Variants in PRSS54 observed in about 807,000 individuals in gnomAD.
PRSS54 encodes serine protease 54, also known as inactive serine protease 54.
In PRSS54, 16 loss-of-function variants were observed where a neutral mutation model predicts 19.9. The ratio of observed to expected loss-of-function variants is 0.80; its 90% CI spans 0.54 to 1.22. The LOEUF is 1.22. Ranked by LOEUF, PRSS54 falls within the 50% of genes most tolerant of loss-of-function variation. The pLI, the probability that PRSS54 is intolerant of heterozygous loss-of-function variation, is 0.00. For synonymous variants in PRSS54, 177 were observed against 195.8 expected, an observed-to-expected ratio of 0.90 and a Z score of 0.80; for missense variants, 444 against 494.8, an observed-to-expected ratio of 0.90 and a Z score of 0.97.
chr16:58,293,375 G>A (rs1965079789), intron 3 of PRSS54, among the ~76,000 whole-genome samples: 1 of 152,184 alleles, frequency 6.6e-6, no homozygotes, highest in South Asian at 2.1e-4. Flanking sequence ...CCCGGGACCA[G>A]CCCTGCAGTT....
chr16:58,293,394 T>C (rs973072227), intron 3 of PRSS54, among the ~76,000 whole-genome samples: 14 of 152,136 alleles, frequency 9.2e-5, no homozygotes, highest in Admixed American at 8.5e-4. Context: ...TTGGGGGTTG[T>C]AGTTTGCAAA....
At chr16:58,293,526 C>A (rs1965082679) in intron 3 of PRSS54, 1 of 985,202 alleles carries the variant, frequency 1.0e-6, no homozygotes, top group Non-Finnish European at 1.2e-6. Flanking sequence ...AGGATTGGCC[C>A]TGACTTTAGT....
Position 58,291,153 on chromosome 16 carries a change from G to C in PRSS54, c.86-17C>G, listed in dbSNP as rs1174328813. The C allele has an allele frequency of 6.2e-7, 1 of 1,611,570 alleles. No homozygotes were observed. ...CGCCACAACCTGCGGAGCAGGTGCG[G>C]GGCCTCACTGCCGGGGCAAGGAGAC... On this transcript the variant is annotated splice_polypyrimidine_tract_variant and intron_variant, in intron 3 of 6. Coordinates refer to ENST00000567164, the MANE Select transcript of PRSS54 (RefSeq NM_001305173.2).
intron 6 of PRSS54, chr16:58,283,944 G>C (rs1184554362): frequency 6.6e-6 from 1 of 152,208 alleles, no homozygotes; most frequent in Non-Finnish European, 1.5e-5. Context: ...ATTTAGAGGA[G>C]AGTGTGTGTT....
chr16:58,291,226 G>T, intron 3 of PRSS54, 90 bp from the exon 4 acceptor site: 2 of 1,200,358 alleles, frequency 1.7e-6, no homozygotes, highest in Non-Finnish European at 1.2e-6. Flanking sequence ...CATCACTAAC[G>T]CTATCCGCAA....
Position 58,280,494 on chromosome 16 carries a change from C to A in PRSS54, c.918G>T (p.Leu306=), listed in dbSNP as rs199619245. The change falls in exon 7 of 7, where the codon CTG becomes CTT. Residue 306 remains leucine, a synonymous_variant. Coordinates refer to ENST00000567164, the MANE Select transcript of PRSS54 (RefSeq NM_001305173.2). ...CCTGCAAGTATGATCCAACATGGCC[C>A]AGTTCAGAATCAGAATATGTCTTCT... ...MTQKTYSDSE[L]GHVGSYLQGQ... is the part of the protein sequence containing the mutation. 1.9e-5 allele frequency: 31 copies of A among 1,614,004 alleles called. No homozygotes were observed. Among genetic ancestry groups the A allele is most frequent in the Non-Finnish European group, 2.5e-5 (30 of 1,180,028 alleles).
intron 3 of PRSS54, among the ~76,000 whole-genome samples, chr16:58,291,386 C>T (rs1374401018): frequency 6.6e-6 from 1 of 152,220 alleles, no homozygotes; most frequent in Non-Finnish European, 1.5e-5. Flanking sequence ...TGCCACCTTT[C>T]ATATTCATCA....
chr16:58,287,068 C>T (rs772555572), intron 4 of PRSS54, among the ~76,000 whole-genome samples: 1 of 152,130 alleles, frequency 6.6e-6, no homozygotes, highest in Non-Finnish European at 1.5e-5. Flanking sequence ...AAGGCCGTCA[C>T]AGGAGAACCA....
At chr16:58,285,743 A>AG (rs1265672345) in intron 5 of PRSS54, among the ~76,000 whole-genome samples, 194 bp downstream of exon 5, 23 of 145,396 alleles carry the variant, frequency 1.6e-4, no homozygotes, top group Admixed American at 3.5e-4. Flanking sequence ...AAAAAAAAAA[A>AG]AAAGAAGAAG....
rs1191052032 is a variant in PRSS54, at chr16:58,285,742, A to AG, written c.522+194_522+195insC. On this transcript the variant is annotated intron_variant, in intron 5 of 6. Coordinates refer to ENST00000567164, the MANE Select transcript of PRSS54 (RefSeq NM_001305173.2). The stretch of plus-strand genomic sequence containing the variant: ...CTGTCTCAAAAAAAAAAAAAAAAAA[A>AG]AAAAGAAGAAGAAGAAGAAGAGTGG... 1.6e-3 allele frequency among the ~76,000 whole-genome samples: 236 copies of AG among 144,252 alleles called. 1 individual carries two copies. Among genetic ancestry groups the AG allele is most frequent in the Non-Finnish European group, 1.7e-3 (111 of 66,506 alleles). 94.6% of individuals were successfully genotyped at this position (144,252 alleles called of 152,430 possible).
chr16:58,280,833 T>C, intron 6 of PRSS54, 76 bp from the exon 7 acceptor site: 6 of 1,365,642 alleles, frequency 4.4e-6, no homozygotes, highest in Non-Finnish European at 2.0e-6. Flanking sequence ...TGCAATATAC[T>C]GTTTGTTCTA....
intron 6 of PRSS54, 63 bp downstream of exon 6, chr16:58,284,527 G>A: frequency 1.3e-6 from 2 of 1,588,318 alleles, no homozygotes; most frequent in Non-Finnish European, 1.7e-6. Flanking sequence ...GAGTCCTGAG[G>A]CTCCCCTGGA....
chr16:58,284,367 A>G (rs1025864656), intron 6 of PRSS54: 4 of 486,770 alleles, frequency 8.2e-6, no homozygotes, highest in African/African-American at 3.9e-5. Flanking sequence ...GACTTAGACA[A>G]GCTTCATCAT....
intron 4 of PRSS54, among the ~76,000 whole-genome samples, chr16:58,287,460 G>A (rs1260554540): frequency 6.6e-6 from 1 of 152,226 alleles, no homozygotes; most frequent in Admixed American, 6.5e-5. Context: ...GTGAGGGGAG[G>A]ATGTGATCAG....
Position 58,280,431 on chromosome 16 carries a change from G to A in PRSS54, c.981C>T (p.Asn327=). 1 of 1,614,082 alleles carries A rather than the reference G, an allele frequency of 6.2e-7. No individual in the cohort carries two copies. The highest frequency in any genetic ancestry group is 8.5e-7 in the Non-Finnish European group (1 of 1,180,008). Residue 327 remains asparagine (N), a synonymous_variant, in exon 7 of 7, where the codon AAC becomes AAT. Coordinates refer to ENST00000567164, the MANE Select transcript of PRSS54 (RefSeq NM_001305173.2). ...RRTITHSRLG[N]SSRDSLDVRE... is the part of the protein sequence containing the mutation. Reference sequence around the variant, plus strand: ...TAACATCTAGACTATCTCTAGAGCTGTTTCCTAGTCGTGAATGCGTGATGG... The same window carrying A: ...TAACATCTAGACTATCTCTAGAGCTATTTCCTAGTCGTGAATGCGTGATGG...
chr16:58,286,975 C>A (rs1196254261), intron 4 of PRSS54, among the ~76,000 whole-genome samples: 2 of 151,976 alleles, frequency 1.3e-5, no homozygotes, highest in East Asian at 3.9e-4. Flanking sequence ...ACAGAAAACA[C>A]AATTAGGGGC....
chr16:58,281,947 A>T (rs143773329), intron 6 of PRSS54: 1 of 151,628 alleles, frequency 6.6e-6, no homozygotes, highest in Non-Finnish European at 1.5e-5. Flanking sequence ...GATTCAAGCA[A>T]TTCTCCCACC....
chr16:58,283,231 G>A (rs1964827339), intron 6 of PRSS54: 1 of 152,210 alleles, frequency 6.6e-6, no homozygotes, highest in African/African-American at 2.4e-5. Flanking sequence ...TCTACATGTG[G>A]GAATTGTGGC....
chr16:58,284,824 T>A, intron 5 of PRSS54, 103 bp from the exon 6 acceptor site: 1 of 1,416,576 alleles, frequency 7.1e-7, no homozygotes, highest in Non-Finnish European at 9.6e-7. Flanking sequence ...AGAATTTTTT[T>A]TTTTTTTTGA....
Sources: gnomAD v4.1 joint callset for allele counts (sites outside exome capture counted in the v4.1 genomes callset) on GRCh38, gnomAD v4.1.1 for gene constraint, MANE v1.5 for transcripts, NCBI Gene and HGNC (gene_info 2026-07-23, HGNC 2026-07-21) for gene names.